The following ROBO1 variants were observed in gnomAD, a reference collection of about 807,000 sequenced individuals.
ROBO1 encodes the protein roundabout homolog 1.
In ROBO1, 149 loss-of-function variants were observed where a neutral mutation model predicts 195.9. The observed-to-expected ratio is 0.76, with a 90% confidence interval of 0.67 to 0.87. ROBO1 has a LOEUF of 0.87. Ranked by LOEUF, ROBO1 falls within the 40% of genes least tolerant of loss-of-function variation. The pLI is 0.00. For missense variants in ROBO1, 1,933 were observed against 2,068.3 expected (o/e 0.93, Z 1.27); for synonymous variants, 816 against 733.2 (o/e 1.11, Z -1.82).
At chr3:79,703,262 A>G (rs1269618395) in intron 1 of ROBO1, among the ~76,000 whole-genome samples, 3 of 151,756 alleles carry the variant, frequency 2.0e-5, no homozygotes, top group Non-Finnish European at 4.4e-5. Context: ...ATTAGTATCC[A>G]TTTTTTAGAA....
intron 1 of ROBO1, among the ~76,000 whole-genome samples, chr3:79,730,232 T>TC (rs1189519031): frequency 1.3e-5 from 2 of 152,210 alleles, no homozygotes; most frequent in Non-Finnish European, 2.9e-5. Flanking sequence ...ACAGGTGTTT[T>TC]CTCATAATCA....
chr3:79,724,452 C>T (rs1702829146), intron 1 of ROBO1, among the ~76,000 whole-genome samples: 5 of 152,166 alleles, frequency 3.3e-5, no homozygotes, highest in Admixed American at 2.6e-4. Flanking sequence ...AATACGGCAA[C>T]GTTGAAGGGG....
intron 1 of ROBO1, among the ~76,000 whole-genome samples, chr3:79,645,789 A>G (rs1469723599): frequency 2.6e-5 from 4 of 152,142 alleles, no homozygotes; most frequent in Admixed American, 2.6e-4. Flanking sequence ...GACCAAGAAA[A>G]CAGAATAGAG....
Position 79,286,778 on chromosome 3 carries a change from C to T in ROBO1, c.89-161239G>A, listed in dbSNP as rs74458899. Among the ~76,000 whole-genome samples, 31 of 152,204 alleles carry T rather than the reference C, an allele frequency of 2.0e-4. 1 individual carries two copies. In the East Asian group the frequency reaches 5.8e-3, roughly 28 times the overall value. On this transcript the variant is annotated intron_variant, in intron 2 of 30. Coordinates refer to ENST00000464233, the MANE Select transcript of ROBO1 (RefSeq NM_002941.4). Reference sequence around the variant, plus strand: ...AATAACTGGAATAATAATAATATCACAACTCATACTTCAACAGAAAATAGT... The same window carrying T: ...AATAACTGGAATAATAATAATATCATAACTCATACTTCAACAGAAAATAGT...
Position 79,537,153 on chromosome 3 carries a change from G to C in ROBO1, c.88+52671C>G, listed in dbSNP as rs535517912. 2.0e-5 allele frequency among the ~76,000 whole-genome samples: 3 copies of C among 150,564 alleles called. No homozygotes were observed. The East Asian group carries it at 5.8e-4, about 29-fold the overall frequency. On this transcript the variant is annotated intron_variant, in intron 2 of 30. Transcript: ENST00000464233. ...CAACACTTTTATTTCCAAAGATACA[G>C]AGAACCTGAGAGATTAAGTGATTTT...
At chr3:79,288,454 C>T (rs1382007475) in intron 2 of ROBO1, among the ~76,000 whole-genome samples, 1 of 152,166 alleles carries the variant, frequency 6.6e-6, no homozygotes, top group Non-Finnish European at 1.5e-5. Flanking sequence ...ATTCATGCTT[C>T]AGAACATTCT....
chr3:79,569,747 A>G (rs1943217336), intron 2 of ROBO1, among the ~76,000 whole-genome samples: 1 of 150,842 alleles, frequency 6.6e-6, no homozygotes, highest in Non-Finnish European at 1.5e-5. Context: ...ATATATATGT[A>G]TATAGACAAT....
intron 22 of ROBO1, among the ~76,000 whole-genome samples, chr3:78,638,255 ATATATG>A (rs1257837882): frequency 7.3e-6 from 1 of 137,750 alleles, no homozygotes; most frequent in Admixed American, 7.0e-5. Flanking sequence ...ACACACATAC[ATATATG>A]TATATGTGTA....
intron 5 of ROBO1, among the ~76,000 whole-genome samples, chr3:78,724,493 T>C (rs1461043918): frequency 3.1e-5 from 4 of 128,632 alleles, no homozygotes; most frequent in Non-Finnish European, 4.7e-5. Context: ...CTGGCCAACA[T>C]GGTGAAACCC....
chr3:79,086,258 C>A (rs1181088760), intron 3 of ROBO1, among the ~76,000 whole-genome samples: 1 of 151,214 alleles, frequency 6.6e-6, no homozygotes, highest in Non-Finnish European at 1.5e-5. Context: ...GGGAGGTGAC[C>A]ATACCACAGT....
chr3:79,321,534 T>G (rs1325484725), intron 2 of ROBO1, among the ~76,000 whole-genome samples: 13 of 152,204 alleles, frequency 8.5e-5, no homozygotes, highest in Admixed American at 8.5e-4. Context: ...CTTTTCCTCT[T>G]CGTCATTTAT....
chr3:78,646,432 C>G (rs1010372019), intron 20 of ROBO1, among the ~76,000 whole-genome samples: 4 of 150,380 alleles, frequency 2.7e-5, no homozygotes, highest in Non-Finnish European at 5.9e-5. Flanking sequence ...ATATATCACT[C>G]TTATTTTCTT....
intron 3 of ROBO1, among the ~76,000 whole-genome samples, chr3:79,012,959 A>G (rs1045386691): frequency 6.6e-6 from 1 of 152,140 alleles, no homozygotes; most frequent in Non-Finnish European, 1.5e-5. Flanking sequence ...GAATGGAGGT[A>G]GCCTTTTGAT....
intron 1 of ROBO1, among the ~76,000 whole-genome samples, chr3:79,698,706 C>T (rs892923348): frequency 1.3e-5 from 2 of 151,416 alleles, no homozygotes; most frequent in African/African-American, 4.8e-5. Context: ...CTAAAGGGAA[C>T]CACCATTAAT....
At chr3:79,229,601 TG>T (rs2082286561) in intron 2 of ROBO1, among the ~76,000 whole-genome samples, 1 of 152,056 alleles carries the variant, frequency 6.6e-6, no homozygotes, top group African/African-American at 2.4e-5. Flanking sequence ...GCCCAGCTGA[TG>T]TTTTTATTAT....
At chr3:79,248,374 CAA>C (rs10559171) in intron 2 of ROBO1, among the ~76,000 whole-genome samples, 13 of 36,206 alleles carry the variant, frequency 3.6e-4, no homozygotes, top group African/African-American at 1.2e-3. Context: ...GAAGACAGAC[CAA>C]AAAAAAAAAA....
intron 17 of ROBO1, among the ~76,000 whole-genome samples, chr3:78,658,796 A>T (rs898501709): frequency 2.0e-5 from 3 of 152,330 alleles, no homozygotes; most frequent in South Asian, 2.1e-4. Context: ...CTATACCAGG[A>T]GCTGACCATT....
intron 29 of ROBO1, among the ~76,000 whole-genome samples, chr3:78,601,742 C>G (rs1432388624): frequency 6.6e-6 from 1 of 152,138 alleles, no homozygotes; most frequent in Non-Finnish European, 1.5e-5. Context: ...CTGCATCCCA[C>G]TGAAATCTAT....
At chr3:79,344,547 A>G (rs2035031745) in intron 2 of ROBO1, among the ~76,000 whole-genome samples, 2 of 152,172 alleles carry the variant, frequency 1.3e-5, no homozygotes, top group South Asian at 4.1e-4. Context: ...TATAAAGTAT[A>G]TTCTCAGAAC....
Sources: gnomAD v4.1 joint callset for allele counts (sites outside exome capture counted in the v4.1 genomes callset) on GRCh38, gnomAD v4.1.1 for gene constraint, MANE v1.5 for transcripts, NCBI Gene and HGNC (gene_info 2026-07-23, HGNC 2026-07-21) for gene names.